The following RAP1A variants were observed in gnomAD, a reference collection of about 807,000 sequenced individuals.
RAP1A encodes RAP1A, member of RAS oncogene family.
In RAP1A, 6 loss-of-function variants were observed where a neutral mutation model predicts 26.4. The observed-to-expected ratio is 0.23, with a 90% confidence interval of 0.12 to 0.45. RAP1A has a LOEUF of 0.45. RAP1A is among the 20% of genes least tolerant of loss of function. The pLI is 0.99. For synonymous variants in RAP1A, 73 were observed against 79.4 expected, an observed-to-expected ratio of 0.92 and a Z score of 0.43; for missense variants, 121 against 217.2, an observed-to-expected ratio of 0.56 and a Z score of 2.78.
rs185026114 is a variant in RAP1A, at chr1:111,708,320, A to G, written c.469-829A>G. ...TGCGCCTCCGCATGTGATACCTTGAAAGGGAGACAGTATCTCTTTTGTCCT... is the reference window on the plus strand; with the variant it reads ...TGCGCCTCCGCATGTGATACCTTGAGAGGGAGACAGTATCTCTTTTGTCCT... On this transcript the variant is annotated intron_variant, in intron 6 of 7. Coordinates refer to ENST00000369709, the MANE Select transcript of RAP1A (RefSeq NM_002884.4). Among the ~76,000 whole-genome samples the G allele has an allele frequency of 2.6e-5, 4 of 152,382 alleles. No individual in the cohort carries two copies. The East Asian group carries it at 7.7e-4, about 29-fold the overall frequency.
intron 1 of RAP1A, among the ~76,000 whole-genome samples, chr1:111,666,635 CAG>C (rs1430442899): frequency 1.5e-5 from 2 of 137,000 alleles, no homozygotes; most frequent in East Asian, 4.9e-4. Flanking sequence ...AATCAAATCA[CAG>C]AGATTTAAAA....
intron 1 of RAP1A, among the ~76,000 whole-genome samples, chr1:111,662,436 A>G (rs1297940732): frequency 6.6e-6 from 1 of 151,612 alleles, no homozygotes; most frequent in East Asian, 1.9e-4. Context: ...GATCAGGGCT[A>G]AGATTGTTCC....
intron 4 of RAP1A, among the ~76,000 whole-genome samples, chr1:111,701,549 A>G (rs912263533): frequency 2.0e-5 from 3 of 152,150 alleles, no homozygotes; most frequent in Non-Finnish European, 2.9e-5. Flanking sequence ...CATGATCACT[A>G]ACATATCCAT....
rs1379274506 is a variant in RAP1A, at chr1:111,715,265, A to G, written c.*2864A>G. On this transcript the variant is annotated 3_prime_UTR_variant, in exon 8 of 8. Transcript: ENST00000369709. ...GCTAATTTTTGTATTTTTAGTAGAGACGGGGTTTCATCATGTTGGCGAGGC... is the reference window on the plus strand; with the variant it reads ...GCTAATTTTTGTATTTTTAGTAGAGGCGGGGTTTCATCATGTTGGCGAGGC... 1 of 150,302 alleles carries G rather than the reference A, an allele frequency of 6.7e-6. No homozygotes were observed. Among genetic ancestry groups the G allele is most frequent in the African/African-American group, 2.5e-5 (1 of 40,234 alleles). The allele number at this position is 150,302 out of a possible 1,614,324, so 9.3% of individuals were successfully genotyped here.
At position 111,593,187 on chromosome 1, in the gene RAP1A, G is replaced by A. The variant is rs551099204; in HGVS notation, c.-28+50678G>A. Reference sequence around the variant, plus strand: ...GCTAAGCCCAGGCCCCTCGGGAACTGTTCACACTGGGCTGTCTAGTAAAAA... The same window carrying A: ...GCTAAGCCCAGGCCCCTCGGGAACTATTCACACTGGGCTGTCTAGTAAAAA... On this transcript the variant is annotated intron_variant, in intron 1 of 7. Transcript: ENST00000356415. Among the ~76,000 whole-genome samples the A allele has an allele frequency of 3.2e-4, 48 of 152,222 alleles. 1 individual carries two copies. The highest frequency in any genetic ancestry group is 1.6e-3 in the Admixed American group (25 of 15,290).
intron 1 of RAP1A, among the ~76,000 whole-genome samples, chr1:111,689,816 C>A (rs1661614060): frequency 6.6e-6 from 1 of 152,046 alleles, no homozygotes; most frequent in African/African-American, 2.4e-5. Flanking sequence ...ACCACAGGCA[C>A]CCGCCACCCG....
chr1:111,706,505 C>T (rs1423750258), intron 6 of RAP1A, among the ~76,000 whole-genome samples: 6 of 151,992 alleles, frequency 3.9e-5, no homozygotes, highest in Non-Finnish European at 8.8e-5. Context: ...CACCACTTTG[C>T]AACGTTCTTA....
chr1:111,597,059 A>G (rs1050501091), intron 1 of RAP1A, among the ~76,000 whole-genome samples: 1 of 152,182 alleles, frequency 6.6e-6, no homozygotes, highest in Non-Finnish European at 1.5e-5. Context: ...GTATTCCTCA[A>G]GATGTGTGGT....
intron 1 of RAP1A, among the ~76,000 whole-genome samples, chr1:111,654,397 C>T (rs377748767): frequency 2.0e-5 from 3 of 152,236 alleles, no homozygotes; most frequent in African/African-American, 7.2e-5. Context: ...GGTATCATTC[C>T]CATTTTAAAG....
At chr1:111,669,480 A>ATT (rs1660910037) in intron 1 of RAP1A, among the ~76,000 whole-genome samples, 1 of 152,180 alleles carries the variant, frequency 6.6e-6, no homozygotes, top group Non-Finnish European at 1.5e-5. Context: ...GCAATGAGAT[A>ATT]TTTTTGCCTG....
At chr1:111,703,566 G>A in intron 5 of RAP1A, 90 bp downstream of exon 5, 5 of 1,245,642 alleles carry the variant, frequency 4.0e-6, no homozygotes, top group South Asian at 4.4e-5. Flanking sequence ...AGAGGATTTG[G>A]AAGCTATCTA....
At chr1:111,688,319 C>CTTTTTTTTTTTT (rs1661557810) in intron 1 of RAP1A, among the ~76,000 whole-genome samples, 1 of 115,936 alleles carries the variant, frequency 8.6e-6, no homozygotes, top group Non-Finnish European at 1.8e-5. Flanking sequence ...TTTTTTCTTT[C>CTTTTTTTTTTTT]TTTCTTTTTT....
intron 1 of RAP1A, among the ~76,000 whole-genome samples, chr1:111,567,417 G>C (rs1192726410): frequency 6.6e-6 from 1 of 152,206 alleles, no homozygotes; most frequent in African/African-American, 2.4e-5. Flanking sequence ...GGCAAATCCA[G>C]TTCTTGCTAA....
intron 1 of RAP1A, among the ~76,000 whole-genome samples, chr1:111,640,314 T>A (rs1023004635): frequency 7.5e-6 from 1 of 133,980 alleles, no homozygotes; most frequent in Non-Finnish European, 1.5e-5. Context: ...TATAAAACTA[T>A]GTGATATTTT....
chr1:111,671,740 C>T (rs553458261), intron 1 of RAP1A, among the ~76,000 whole-genome samples: 1 of 152,328 alleles, frequency 6.6e-6, no homozygotes, highest in African/African-American at 2.4e-5. Context: ...TCCCAAAGTG[C>T]TGGGATTACA....
chr1:111,711,695 A>G (rs1340545988), intron 7 of RAP1A, among the ~76,000 whole-genome samples: 1 of 152,244 alleles, frequency 6.6e-6, no homozygotes, highest in Non-Finnish European at 1.5e-5. Flanking sequence ...GTACTGAGAT[A>G]CAGGATAGAT....
chr1:111,586,458 C>T (rs889662579), intron 1 of RAP1A, among the ~76,000 whole-genome samples: 2 of 152,182 alleles, frequency 1.3e-5, no homozygotes, highest in Admixed American at 6.5e-5. Context: ...TGGCATGCAC[C>T]TGTAATCCCA....
chr1:111,681,967 A>T (rs772361904), intron 1 of RAP1A, among the ~76,000 whole-genome samples: 1 of 152,230 alleles, frequency 6.6e-6, no homozygotes, highest in Non-Finnish European at 1.5e-5. Flanking sequence ...TTACCCACAA[A>T]GGGAAGCCTA....
At chr1:111,579,996 A>G (rs889603292) in intron 1 of RAP1A, among the ~76,000 whole-genome samples, 7 of 152,032 alleles carry the variant, frequency 4.6e-5, no homozygotes, top group Non-Finnish European at 4.4e-5. Flanking sequence ...GGGTTTCACC[A>G]TGTTGACCAG....
Sources: gnomAD v4.1 joint callset for allele counts (sites outside exome capture counted in the v4.1 genomes callset) on GRCh38, gnomAD v4.1.1 for gene constraint, MANE v1.5 for transcripts, NCBI Gene and HGNC (gene_info 2026-07-23, HGNC 2026-07-21) for gene names.